The following GPHN variants were observed in gnomAD, a reference collection of about 807,000 sequenced individuals.
The protein encoded by GPHN is gephyrin.
GPHN carries 17 observed loss-of-function variants against 95.5 expected under a neutral mutation model. The ratio of observed to expected loss-of-function variants is 0.18; its 90% CI spans 0.12 to 0.27. The LOEUF is 0.27. Among genes scored for constraint, GPHN ranks in the 10% least tolerant of loss-of-function variants. GPHN has a pLI of 1.00. For synonymous variants in GPHN, 320 were observed against 322.5 expected, an observed-to-expected ratio of 0.99 and a Z score of 0.08; for missense variants, 660 against 978.1, an observed-to-expected ratio of 0.67 and a Z score of 4.34.
chr14:67,299,688 T>G, the GPHN span, among the ~76,000 whole-genome samples: 1 of 152,178 alleles, frequency 6.6e-6, no homozygotes, highest in African/African-American at 2.4e-5. Context: ...GACACTAGAA[T>G]AAGCAACATA....
chr14:67,111,944 A>G, intron 15 of GPHN, 25 bp downstream of exon 15: 2 of 1,562,992 alleles, frequency 1.3e-6, no homozygotes, highest in South Asian at 1.1e-5. Context: ...CATAGAATAT[A>G]TAGCCTACTT....
the GPHN span, among the ~76,000 whole-genome samples, chr14:67,521,799 A>C: frequency 6.6e-6 from 1 of 152,258 alleles, no homozygotes; most frequent in Non-Finnish European, 1.5e-5. Flanking sequence ...ATAAGAGCAC[A>C]CATTGAAACC....
At chr14:67,539,095 G>A in the GPHN span, among the ~76,000 whole-genome samples, 1 of 152,138 alleles carries the variant, frequency 6.6e-6, no homozygotes, top group East Asian at 1.9e-4. Flanking sequence ...CCTGAACTGA[G>A]TTGCGAGACT....
At chr14:67,230,252 A>G in the GPHN span, among the ~76,000 whole-genome samples, 3 of 152,172 alleles carry the variant, frequency 2.0e-5, no homozygotes, top group Non-Finnish European at 2.9e-5. Context: ...TTGGTGTACA[A>G]CCACCCTGGA....
chr14:67,592,931 G>A, the GPHN span, among the ~76,000 whole-genome samples: 4 of 152,064 alleles, frequency 2.6e-5, no homozygotes, highest in East Asian at 3.9e-4. Context: ...GATTACAGGC[G>A]CTCGCCACCA....
At chr14:67,556,387 C>T in the GPHN span, among the ~76,000 whole-genome samples, 1 of 152,176 alleles carries the variant, frequency 6.6e-6, no homozygotes, top group Non-Finnish European at 1.5e-5. Context: ...CCACCTACCT[C>T]AGCCTCCCAA....
At chr14:67,382,315 C>G in the GPHN span, 1 of 710,086 alleles carries the variant, frequency 1.4e-6, no homozygotes, top group Non-Finnish European at 2.2e-6. Flanking sequence ...CCCTAAATTA[C>G]TGTCCTGTAG....
chr14:67,450,748 AATT>A, the GPHN span, among the ~76,000 whole-genome samples: 2 of 152,330 alleles, frequency 1.3e-5, no homozygotes, highest in South Asian at 2.1e-4. Context: ...AAGTTCAGAA[AATT>A]TGCAGACTGA....
intron 3 of GPHN, among the ~76,000 whole-genome samples, chr14:66,789,906 T>G (rs1308837575): frequency 6.6e-6 from 1 of 152,190 alleles, no homozygotes; most frequent in Non-Finnish European, 1.5e-5. Context: ...ACCAGAGTTC[T>G]CTCATAATGT....
At chr14:67,039,954 G>A (rs1167811815) in intron 10 of GPHN, among the ~76,000 whole-genome samples, 2 of 152,116 alleles carry the variant, frequency 1.3e-5, no homozygotes, top group Non-Finnish European at 2.9e-5. Context: ...TTTGGACCTT[G>A]ATGTTAAGGC....
At chr14:66,884,739 A>G (rs879608235) in intron 5 of GPHN, among the ~76,000 whole-genome samples, 3 of 151,616 alleles carry the variant, frequency 2.0e-5, no homozygotes, top group Admixed American at 6.6e-5. Context: ...TTATAGGGAT[A>G]TTACATAGCT....
intron 4 of GPHN, among the ~76,000 whole-genome samples, chr14:66,836,747 GA>G (rs2061838553): frequency 6.6e-6 from 1 of 150,884 alleles, no homozygotes; most frequent in Middle Eastern, 3.4e-3. Flanking sequence ...AAATTTACAA[GA>G]AAAAAACAAA....
chr14:67,573,750 C>G, the GPHN span: 1 of 1,196,958 alleles, frequency 8.4e-7, no homozygotes, highest in Non-Finnish European at 1.3e-6. The surrounding 1 kb of genome is among the most constrained non-coding windows in gnomAD (Gnocchi z 4.8). Flanking sequence ...ATGAGGTGCT[C>G]CGGAAAGGCT....
chr14:66,925,353 A>C (rs1262837454), intron 8 of GPHN, among the ~76,000 whole-genome samples: 4 of 152,128 alleles, frequency 2.6e-5, no homozygotes, highest in Admixed American at 1.3e-4. Context: ...CTGTTGTGCT[A>C]TCTAGATCTT....
intron 1 of GPHN, among the ~76,000 whole-genome samples, chr14:66,662,318 G>A (rs2065709269): frequency 6.6e-6 from 1 of 152,188 alleles, no homozygotes; most frequent in African/African-American, 2.4e-5. Context: ...AGAGGAAGGG[G>A]CAGGCTGCCA....
At chr14:67,555,977 A>C in the GPHN span, 1 of 1,504,786 alleles carries the variant, frequency 6.6e-7, no homozygotes, top group South Asian at 1.2e-5. Flanking sequence ...GGACACATAC[A>C]TCACCAGCAG....
At chr14:66,672,662 C>A (rs1400599994) in intron 1 of GPHN, among the ~76,000 whole-genome samples, 1 of 152,144 alleles carries the variant, frequency 6.6e-6, no homozygotes, top group African/African-American at 2.4e-5. Flanking sequence ...TATATTGCCC[C>A]TCTTTATTCC....
At chr14:67,062,777 C>T (rs2075876775) in intron 11 of GPHN, among the ~76,000 whole-genome samples, 1 of 151,962 alleles carries the variant, frequency 6.6e-6, no homozygotes, top group Non-Finnish European at 1.5e-5. Flanking sequence ...TGGTTTTTTT[C>T]TTGTAAATTT....
chr14:66,793,928 T>C (rs1339414075), intron 3 of GPHN, among the ~76,000 whole-genome samples: 2 of 152,132 alleles, frequency 1.3e-5, no homozygotes, highest in Admixed American at 1.3e-4. Context: ...AATCCAGATA[T>C]ATCATTAATA....
Sources: allele counts gnomAD v4.1 joint callset (sites outside exome capture counted in the v4.1 genomes callset), GRCh38; gene constraint gnomAD v4.1.1; non-coding constraint Gnocchi (gnomAD v3.1); transcripts MANE v1.5; gene names NCBI Gene and HGNC (gene_info 2026-07-23, HGNC 2026-07-21).